Variants in EMCN observed in about 807,000 individuals in gnomAD.
The protein encoded by EMCN is endomucin.
EMCN carries 37 observed loss-of-function variants against 38.4 expected under a neutral mutation model. That is an observed-to-expected ratio of 0.96 (90% CI 0.74 to 1.27). The LOEUF is 1.27. Ranked by LOEUF, EMCN falls within the 50% of genes most tolerant of loss-of-function variation. EMCN has a pLI of 0.00. For synonymous variants in EMCN, 95 were observed against 100.8 expected, an observed-to-expected ratio of 0.94 and a Z score of 0.35; for missense variants, 318 against 302.8, an observed-to-expected ratio of 1.05 and a Z score of -0.37.
chr4:100,451,585 A>G (rs1251497731), intron 4 of EMCN, among the ~76,000 whole-genome samples: 1 of 151,962 alleles, frequency 6.6e-6, no homozygotes, highest in Non-Finnish European at 1.5e-5. Context: ...ATTAGAAGCT[A>G]GTTGTTTTCT....
At position 100,423,091 on chromosome 4, in the gene EMCN, G is replaced by T. The variant is rs765854832; in HGVS notation, c.509-11C>A. ...CCTCAGTGCCTATTACTTTAAGAAA[G>T]AAAAAAACAAGTCACTTTTGGTTAA... On this transcript the variant is annotated splice_polypyrimidine_tract_variant and intron_variant, in intron 6 of 11. Coordinates refer to ENST00000296420, the MANE Select transcript of EMCN (RefSeq NM_016242.4). 3.7e-6 allele frequency: 6 copies of T among 1,612,478 alleles called. No homozygotes were observed. In the East Asian group the frequency reaches 1.3e-4, roughly 36 times the overall value.
At position 100,448,824 on chromosome 4, in the gene EMCN, C is replaced by T. The variant is rs12644581; in HGVS notation, c.377-1253G>A. ...CCTTCCTTCCTTCCTTCCTTCCTTC[C>T]TCCCTCCCTCCCTCCCTCCCTTCCT... On this transcript the variant is annotated intron_variant, in intron 4 of 11. Coordinates refer to ENST00000296420, the MANE Select transcript of EMCN (RefSeq NM_016242.4). Among the ~76,000 whole-genome samples, 751 of 138,420 alleles carry T rather than the reference C, an allele frequency of 5.4e-3. 25 individuals carry two copies. Among genetic ancestry groups the T allele is most frequent in the Admixed American group, 0.026 (367 of 14,108 alleles). 90.8% of individuals were successfully genotyped at this position (138,420 alleles called of 152,430 possible).
At chr4:100,462,481 C>T (rs973683231) in intron 4 of EMCN, among the ~76,000 whole-genome samples, 1 of 152,100 alleles carries the variant, frequency 6.6e-6, no homozygotes, top group Non-Finnish European at 1.5e-5. Context: ...ACATTTTCTT[C>T]CTCACAAGTC....
chr4:100,474,196 T>C (rs1728572235), intron 3 of EMCN: 1 of 152,188 alleles, frequency 6.6e-6, no homozygotes, highest in African/African-American at 2.4e-5. Flanking sequence ...TTTAAAAAGA[T>C]AGACAAAGAA....
At chr4:100,445,188 T>C (rs1341554027) in intron 5 of EMCN, among the ~76,000 whole-genome samples, 2 of 152,124 alleles carry the variant, frequency 1.3e-5, no homozygotes, top group African/African-American at 2.4e-5. Flanking sequence ...TTATTTTTAG[T>C]TTTTTGTGGG....
rs577985455 is a variant in EMCN at position 100,434,258 on chromosome 4, C to T, written c.416-10854G>A. ...CTATAAACACCTCTGTGCACATAAGCTAGAAGAAATGTATAAATTCCTGGA... is the reference window on the plus strand; with the variant it reads ...CTATAAACACCTCTGTGCACATAAGTTAGAAGAAATGTATAAATTCCTGGA... On this transcript the variant is annotated intron_variant, in intron 5 of 11. Coordinates refer to ENST00000296420, the MANE Select transcript of EMCN (RefSeq NM_016242.4). Among the ~76,000 whole-genome samples the T allele has an allele frequency of 5.3e-5, 8 of 151,926 alleles. No homozygotes were observed. In the South Asian group the frequency reaches 1.7e-3, roughly 32 times the overall value.
chr4:100,504,840 GGGCCTGACTGATGTCAGGCCTGCCT>G, intron 1 of EMCN, among the ~76,000 whole-genome samples: 1 of 152,314 alleles, frequency 6.6e-6, no homozygotes, highest in African/African-American at 2.4e-5. Flanking sequence ...CTCTTGTGGA[GGGCCTGACTGATGTCAGGCCTGCCT>G]GCAGTTATCC....
At chr4:100,410,228 G>T (rs2110209358) in intron 11 of EMCN, 54 bp downstream of exon 11, 1 of 1,209,758 alleles carries the variant, frequency 8.3e-7, no homozygotes, top group Non-Finnish European at 1.2e-6. Context: ...GCTGCACCAG[G>T]CTAACAAAAC....
intron 11 of EMCN, among the ~76,000 whole-genome samples, chr4:100,408,590 G>C (rs1420536741): frequency 1.3e-5 from 2 of 152,178 alleles, no homozygotes; most frequent in Non-Finnish European, 2.9e-5. Context: ...CAGCCCCTCT[G>C]TGTTTCCTCA....
chr4:100,497,060 AT>A (rs1729225532), intron 1 of EMCN, among the ~76,000 whole-genome samples: 1 of 151,912 alleles, frequency 6.6e-6, no homozygotes, highest in African/African-American at 2.4e-5. Context: ...GGAAGCCCAA[AT>A]TTCAGTATTG....
At chr4:100,479,523 A>G (rs1479748034) in intron 2 of EMCN, among the ~76,000 whole-genome samples, 7 of 152,158 alleles carry the variant, frequency 4.6e-5, no homozygotes, top group Non-Finnish European at 1.0e-4. Context: ...TATCAACAGA[A>G]TGCAACCAAC....
At chr4:100,506,577 A>C (rs2110306240) in intron 1 of EMCN, among the ~76,000 whole-genome samples, 1 of 152,328 alleles carries the variant, frequency 6.6e-6, no homozygotes, top group East Asian at 1.9e-4. Flanking sequence ...ATTTGTCAAA[A>C]AAAAAACCCT....
At chr4:100,409,746 A>G (rs1726497350) in intron 11 of EMCN, among the ~76,000 whole-genome samples, 2 of 152,056 alleles carry the variant, frequency 1.3e-5, no homozygotes, top group Admixed American at 1.3e-4. Context: ...AAATATAAGG[A>G]CCATATTCTG....
intron 1 of EMCN, among the ~76,000 whole-genome samples, chr4:100,481,127 A>C (rs1051329388): frequency 6.6e-6 from 1 of 152,120 alleles, no homozygotes; most frequent in African/African-American, 2.4e-5. Context: ...GTCTGGATAG[A>C]GTATATATAC....
intron 5 of EMCN, among the ~76,000 whole-genome samples, chr4:100,428,802 C>T (rs947465420): frequency 2.6e-5 from 4 of 152,136 alleles, no homozygotes; most frequent in Non-Finnish European, 2.9e-5. Flanking sequence ...AGGTCCACCA[C>T]TAAATGTTGA....
chr4:100,467,595 T>C (rs1728354925), intron 3 of EMCN, among the ~76,000 whole-genome samples: 1 of 141,992 alleles, frequency 7.0e-6, no homozygotes, highest in Non-Finnish European at 1.5e-5. Context: ...GGCAGGAGAA[T>C]GGCATGAACC....
intron 2 of EMCN, among the ~76,000 whole-genome samples, chr4:100,478,992 T>C (rs1443177361): frequency 1.3e-5 from 2 of 152,136 alleles, no homozygotes; most frequent in Non-Finnish European, 2.9e-5. Flanking sequence ...TGGTTTCATC[T>C]TATAATCAAA....
At chr4:100,441,492 A>G (rs1456243021) in intron 5 of EMCN, among the ~76,000 whole-genome samples, 1 of 152,102 alleles carries the variant, frequency 6.6e-6, no homozygotes, top group Non-Finnish European at 1.5e-5. Flanking sequence ...AAATTAATTT[A>G]TTTGTATCCA....
chr4:100,475,944 G>C (rs1447161732), intron 2 of EMCN, among the ~76,000 whole-genome samples: 3 of 152,086 alleles, frequency 2.0e-5, no homozygotes, highest in East Asian at 1.9e-4. Context: ...AAAATGCTGG[G>C]ATTACAGGCG....
Sources: gnomAD v4.1 joint callset for allele counts (sites outside exome capture counted in the v4.1 genomes callset) on GRCh38, gnomAD v4.1.1 for gene constraint, MANE v1.5 for transcripts, NCBI Gene and HGNC (gene_info 2026-07-23, HGNC 2026-07-21) for gene names.